The following SLCO5A1 variants were observed in gnomAD, a reference collection of about 807,000 sequenced individuals.
SLCO5A1 encodes the protein organic anion transporter polypeptide-related protein 4.
SLCO5A1 carries 39 observed loss-of-function variants against 65.1 expected under a neutral mutation model. That is an observed-to-expected ratio of 0.60 (90% CI 0.46 to 0.78). The LOEUF is 0.78. Among genes scored for constraint, SLCO5A1 ranks in the 30% least tolerant of loss-of-function variants. SLCO5A1 has a pLI of 0.00. For missense variants in SLCO5A1, 1,029 were observed against 1,069.4 expected, an observed-to-expected ratio of 0.96 and a Z score of 0.53; for synonymous variants, 438 against 415.7, an observed-to-expected ratio of 1.05 and a Z score of -0.65.
chr8:69,766,507 GTT>G (rs923320931), intron 2 of SLCO5A1, among the ~76,000 whole-genome samples: 1 of 151,926 alleles, frequency 6.6e-6, no homozygotes, highest in African/African-American at 2.4e-5. Context: ...ACATGTGTGT[GTT>G]TGTGTGTGTG....
At chr8:69,702,602 A>T (rs1326499805) in intron 6 of SLCO5A1, among the ~76,000 whole-genome samples, 2 of 152,162 alleles carry the variant, frequency 1.3e-5, no homozygotes, top group Non-Finnish European at 2.9e-5. Context: ...ATAAACTCTG[A>T]TTTGTTATTC....
chr8:69,705,696 A>G (rs1432944264), intron 5 of SLCO5A1, among the ~76,000 whole-genome samples: 1 of 152,262 alleles, frequency 6.6e-6, no homozygotes, highest in African/African-American at 2.4e-5. Context: ...CCTCATAAAT[A>G]TGTACGAATG....
intron 3 of SLCO5A1, chr8:69,761,506 A>G (rs916722602): frequency 3.1e-5 from 14 of 455,992 alleles, no homozygotes; most frequent in Non-Finnish European, 4.6e-5. Flanking sequence ...AAATAATATC[A>G]GAGTCCTTAA....
intron 5 of SLCO5A1, among the ~76,000 whole-genome samples, chr8:69,720,677 C>A (rs941117366): frequency 6.6e-6 from 1 of 152,172 alleles, no homozygotes. Context: ...ATATTACTAC[C>A]TCATGAAATA....
chr8:69,718,807 G>A (rs1815686226), intron 5 of SLCO5A1, among the ~76,000 whole-genome samples: 1 of 152,120 alleles, frequency 6.6e-6, no homozygotes, highest in South Asian at 2.1e-4. Flanking sequence ...ACAATCTAAC[G>A]TGGGAAACAG....
chr8:69,790,864 A>G (rs893084020), intron 2 of SLCO5A1, among the ~76,000 whole-genome samples: 1 of 152,230 alleles, frequency 6.6e-6, no homozygotes, highest in East Asian at 1.9e-4. Context: ...ACTGCTGCCC[A>G]GGAAGACTGA....
At chr8:69,706,831 T>C (rs1399645619) in intron 5 of SLCO5A1, among the ~76,000 whole-genome samples, 1 of 152,170 alleles carries the variant, frequency 6.6e-6, no homozygotes, top group African/African-American at 2.4e-5. Context: ...TACTTCTGGG[T>C]ATGTTATTTT....
chr8:69,812,456 T>C (rs1258969008), intron 2 of SLCO5A1, among the ~76,000 whole-genome samples: 2 of 152,216 alleles, frequency 1.3e-5, no homozygotes, highest in Admixed American at 1.3e-4. Flanking sequence ...TAATTTACCA[T>C]TTCTACAAAA....
intron 2 of SLCO5A1, among the ~76,000 whole-genome samples, chr8:69,804,807 A>G (rs1018850243): frequency 6.6e-6 from 1 of 152,188 alleles, no homozygotes; most frequent in African/African-American, 2.4e-5. Flanking sequence ...TGCTGAAATA[A>G]AAGTGAGACA....
intron 6 of SLCO5A1, among the ~76,000 whole-genome samples, chr8:69,686,231 C>CAAAAAAAAAAAAAAAAAAA (rs3060023): frequency 2.8e-5 from 4 of 141,672 alleles, no homozygotes; most frequent in African/African-American, 8.3e-5. Flanking sequence ...CTTCACACAG[C>CAAAAAAAAAAAAAAAAAAA]AAAAAAAAGA....
chr8:69,820,156 G>A (rs1296116511), intron 2 of SLCO5A1, among the ~76,000 whole-genome samples: 1 of 152,184 alleles, frequency 6.6e-6, no homozygotes, highest in East Asian at 1.9e-4. Context: ...GAATAGGCCA[G>A]GTGACTCCGT....
chr8:69,806,629 G>C (rs550360176), intron 2 of SLCO5A1, among the ~76,000 whole-genome samples: 19 of 152,290 alleles, frequency 1.2e-4, no homozygotes, highest in African/African-American at 4.3e-4. Context: ...CCAGGCTCAG[G>C]CTTCCAGATC....
chr8:69,829,358 C>T (rs1821065199), intron 2 of SLCO5A1, among the ~76,000 whole-genome samples: 1 of 152,142 alleles, frequency 6.6e-6, no homozygotes, highest in African/African-American at 2.4e-5. Context: ...CTTGCCCCTT[C>T]AAAAAGTCTA....
At chr8:69,746,587 G>A (rs898732189) in intron 4 of SLCO5A1, among the ~76,000 whole-genome samples, 19 of 152,246 alleles carry the variant, frequency 1.2e-4, no homozygotes, top group South Asian at 1.0e-3. Flanking sequence ...CAAAGCACAT[G>A]GGCAGTACCA....
At chr8:69,804,056 A>T (rs1193266723) in intron 2 of SLCO5A1, among the ~76,000 whole-genome samples, 1 of 152,202 alleles carries the variant, frequency 6.6e-6, no homozygotes, top group African/African-American at 2.4e-5. Flanking sequence ...TTGAAAAATA[A>T]GAATTCTAAC....
At chr8:69,770,994 T>C (rs1336766278) in intron 2 of SLCO5A1, among the ~76,000 whole-genome samples, 1 of 152,312 alleles carries the variant, frequency 6.6e-6, no homozygotes. Context: ...TCTTACTTTA[T>C]TTTATTTTAG....
At chr8:69,736,812 C>T (rs1816580487) in intron 5 of SLCO5A1, among the ~76,000 whole-genome samples, 1 of 152,210 alleles carries the variant, frequency 6.6e-6, no homozygotes, top group Non-Finnish European at 1.5e-5. Flanking sequence ...ATGCTGGAGA[C>T]TACCCTATAA....
At position 69,670,946 on chromosome 8, in the gene SLCO5A1, G is replaced by T. The variant is rs1563650513; in HGVS notation, c.*1923C>A. On this transcript the variant is annotated 3_prime_UTR_variant, in exon 10 of 10. Coordinates refer to ENST00000260126, the MANE Select transcript of SLCO5A1 (RefSeq NM_030958.3). ...CCCTGAGGCCCCAAAGGAGACACTA[G>T]TTCAATCAGCAAGGTTTTCTTAATC... 1 of 152,274 alleles carries T rather than the reference G, an allele frequency of 6.6e-6. No homozygotes were observed. The allele number at this position is 152,274 out of a possible 1,614,324, so 9.4% of individuals were successfully genotyped here.
Position 69,832,486 on chromosome 8 carries a change from C to T in SLCO5A1, c.188G>A (p.Cys63Tyr). 1 of 1,611,388 alleles carries T rather than the reference C, an allele frequency of 6.2e-7. No individual in the cohort carries two copies. The highest frequency in any genetic ancestry group is 8.5e-7 in the Non-Finnish European group (1 of 1,178,984). ...TSGDANPAFGCVDSSGHQELK... is the reference protein window; with the variant it reads ...TSGDANPAFGYVDSSGHQELK... ...CTCCTGGTGGCCCGAAGAATCCACACAGCCAAAGGCCGGGTTGGCGTCTCC... is the reference window on the plus strand; with the variant it reads ...CTCCTGGTGGCCCGAAGAATCCACATAGCCAAAGGCCGGGTTGGCGTCTCC... Residue 63 changes from cysteine to tyrosine, a missense_variant, in exon 2 of 10, where the codon TGT becomes TAT. Around this residue, in one of 3 missense-constraint regions of SLCO5A1, gnomAD observed 647 missense variants for 647.5 expected, o/e 1.00. Transcript: ENST00000260126. This position sits in a 1 kb window ranked among gnomAD's most constrained non-coding sequence, Gnocchi z 4.5.
Sources: gnomAD v4.1 joint callset for allele counts (sites outside exome capture counted in the v4.1 genomes callset) on GRCh38, gnomAD v4.1.1 for gene constraint, gnomAD v4.1.1 regional missense constraint, Gnocchi (gnomAD v3.1) non-coding constraint, MANE v1.5 for transcripts, NCBI Gene and HGNC (gene_info 2026-07-23, HGNC 2026-07-21) for gene names.